Variants in CCDC88A observed in about 807,000 individuals in gnomAD.
CCDC88A encodes coiled-coil and HOOK domain protein 88A.
In CCDC88A, 54 loss-of-function variants were observed where a neutral mutation model predicts 234.3. The ratio of observed to expected loss-of-function variants is 0.23; its 90% CI spans 0.19 to 0.29. The LOEUF (loss-of-function observed/expected upper bound fraction) is 0.29. Ranked by LOEUF, CCDC88A falls within the 10% of genes least tolerant of loss-of-function variation. CCDC88A has a pLI of 1.00. For synonymous variants in CCDC88A, 753 were observed against 737.8 expected (o/e 1.02, Z -0.33); for missense variants, 1,832 against 2,123.4 (o/e 0.86, Z 2.70).
At chr2:55,353,652 A>AC (rs1670180737) in intron 8 of CCDC88A, among the ~76,000 whole-genome samples, 1 of 136,390 alleles carries the variant, frequency 7.3e-6, no homozygotes, top group African/African-American at 3.3e-5. Context: ...ACCAAACCAA[A>AC]AAAAAAAAAA....
chr2:55,297,314 A>ATAT (rs1680191221), intron 29 of CCDC88A: 3 of 103,912 alleles, frequency 2.9e-5, no homozygotes, highest in Non-Finnish European at 5.5e-5. Context: ...AATTATATAT[A>ATAT]AATATATAAT....
intron 2 of CCDC88A, among the ~76,000 whole-genome samples, chr2:55,408,908 G>A (rs1680027478): frequency 6.6e-6 from 1 of 151,980 alleles, no homozygotes; most frequent in Non-Finnish European, 1.5e-5. Flanking sequence ...TCACTTTAAT[G>A]CTCACACATT....
chr2:55,351,425 G>A (rs1243642539), intron 8 of CCDC88A, among the ~76,000 whole-genome samples: 2 of 151,870 alleles, frequency 1.3e-5, no homozygotes, highest in Non-Finnish European at 2.9e-5. Context: ...CCAGCTCACT[G>A]CAGCCTTGAC....
In CCDC88A at chr2:55,295,895, A is replaced by T; in HGVS notation, c.5253T>A (p.Pro1751=). 1 of 1,614,106 alleles carries T rather than the reference A, an allele frequency of 6.2e-7. No individual in the cohort carries two copies. The highest frequency in any genetic ancestry group is 8.5e-7 in the Non-Finnish European group (1 of 1,180,016). Residue 1751 remains proline, a synonymous_variant, in exon 31 of 33, where the codon CCT becomes CCA. Transcript: ENST00000436346. The part of the protein sequence containing the change: ...GDFYDRRTTK[P]EFLRPGPRKT... ...TTCGAGGACCAGGTCTCAAAAACTC[A>T]GGCTTAGTTGTCCGTCTATCATAGA...
chr2:55,315,187 C>T (rs1682833266), intron 22 of CCDC88A: 1 of 152,226 alleles, frequency 6.6e-6, no homozygotes, highest in African/African-American at 2.4e-5. Context: ...ACAGCTCTCC[C>T]ACGCATGGGG....
rs147772601 is a variant in CCDC88A, at chr2:55,379,833, A to T, written c.274-4950T>A. Among the ~76,000 whole-genome samples, 508 of 152,194 alleles carry T rather than the reference A, an allele frequency of 3.3e-3. 3 individuals are homozygous for T. Among genetic ancestry groups the T allele is most frequent in the African/African-American group, 0.01 (431 of 41,530 alleles). The stretch of plus-strand genomic sequence containing the variant: ...GAGGCTGAGGCAGGAGAATTGCTGG[A>T]ACTCAGGAGGCATGGGTTGCGGTGA... On this transcript the variant is annotated intron_variant, in intron 3 of 32. Coordinates refer to ENST00000436346, the MANE Select transcript of CCDC88A (RefSeq NM_001365480.1).
chr2:55,296,585 T>A, intron 29 of CCDC88A, 62 bp from the exon 30 acceptor site: 1 of 1,483,246 alleles, frequency 6.7e-7, no homozygotes, highest in South Asian at 1.3e-5. Flanking sequence ...ACTTCATGAG[T>A]AATAACATTT....
intron 22 of CCDC88A, chr2:55,313,704 C>G (rs1455819474): frequency 3.9e-5 from 6 of 152,070 alleles, no homozygotes; most frequent in Admixed American, 2.0e-4. Flanking sequence ...GCAAATAACA[C>G]ATACCCGCCC....
intron 7 of CCDC88A, among the ~76,000 whole-genome samples, chr2:55,359,635 A>T (rs1671030059): frequency 6.6e-6 from 1 of 150,548 alleles, no homozygotes; most frequent in Non-Finnish European, 1.5e-5. Flanking sequence ...TGCTATAGGA[A>T]TATATATAAA....
chr2:55,311,649 A>G (rs563146343), intron 23 of CCDC88A, among the ~76,000 whole-genome samples: 7 of 152,310 alleles, frequency 4.6e-5, no homozygotes, highest in East Asian at 1.9e-4. Context: ...TGCTATTTCT[A>G]TTTTACTGTG....
Position 55,295,762 on chromosome 2 carries a change from T to C in CCDC88A, c.5386A>G (p.Ser1796Gly). ...ESSLSRQSKDSNPYATLPRAS... is the reference protein window; with the variant it reads ...ESSLSRQSKDGNPYATLPRAS... ...CGAGGTAAAGTTGCATAAGGGTTACTATCTTTTGATTGTCGTGACAGAGAA... is the reference window on the plus strand; with the variant it reads ...CGAGGTAAAGTTGCATAAGGGTTACCATCTTTTGATTGTCGTGACAGAGAA... Residue 1796 changes from serine to glycine, a missense_variant, in exon 31 of 33, where the codon AGT becomes GGT. Ser to Gly is a moderately conservative substitution (Grantham distance 56, BLOSUM62 0). Around this residue, in one of 6 missense-constraint regions of CCDC88A, gnomAD observed 422 missense variants for 416.5 expected, o/e 1.01. Transcript: ENST00000436346. The C allele has an allele frequency of 1.2e-6, 2 of 1,614,246 alleles. No individual in the cohort carries two copies. The highest frequency in any genetic ancestry group is 1.7e-6 in the Non-Finnish European group (2 of 1,180,034).
chr2:55,374,616 A>G (rs1172793463), intron 4 of CCDC88A, among the ~76,000 whole-genome samples, 198 bp downstream of exon 4: 1 of 152,224 alleles, frequency 6.6e-6, no homozygotes, highest in Non-Finnish European at 1.5e-5. Flanking sequence ...AATTTAATGT[A>G]AAATTTATGT....
intron 2 of CCDC88A, among the ~76,000 whole-genome samples, chr2:55,409,208 C>A (rs983186529): frequency 7.2e-5 from 11 of 152,168 alleles, no homozygotes; most frequent in African/African-American, 2.4e-4. Flanking sequence ...TTCCACTTTT[C>A]TCAAACTTCC....
In CCDC88A at chr2:55,388,831, G is replaced by C. The variant is rs1574416839; in HGVS notation, c.220C>G (p.Leu74Val). ...AAAATGGATAGATTGTGCATTCTAAGTGAGGCATCATTATTGACTTTTTTA... is the reference window on the plus strand; with the variant it reads ...AAAATGGATAGATTGTGCATTCTAACTGAGGCATCATTATTGACTTTTTTA... Reference protein sequence around the residue: ...VNKKVNNDASLRMHNLSILVR... With the variant: ...VNKKVNNDASVRMHNLSILVR... The change falls in exon 3 of 33, where the codon CTT (leucine) becomes GTT (valine). Residue 74 changes from leucine to valine, a missense_variant. Physicochemically the swap from Leu to Val is conservative, Grantham distance 32 (BLOSUM62 1). Transcript: ENST00000436346. The C allele has an allele frequency of 6.5e-7, 1 of 1,543,464 alleles. No individual in the cohort carries two copies. Among genetic ancestry groups the C allele is most frequent in the Non-Finnish European group, 8.8e-7 (1 of 1,131,154 alleles).
rs1420753665 is a variant in CCDC88A at position 55,388,840 on chromosome 2, C to A, written c.211G>T (p.Asp71Tyr). ...AGATTGTGCATTCTAAGTGAGGCAT[C>A]ATTATTGACTTTTTTATTTACTCTC... ...SQRVNKKVNN[D>Y]ASLRMHNLSI... The change falls in exon 3 of 33, where the codon GAT becomes TAT. Residue 71 changes from aspartate (D) to tyrosine (Y), a missense_variant. Physicochemically the swap from Asp to Tyr is radical, Grantham distance 160. Around this residue, in one of 6 missense-constraint regions of CCDC88A, gnomAD observed 84 missense variants for 80.9 expected, o/e 1.04. Transcript: ENST00000436346. 3 of 1,540,150 alleles carry A rather than the reference C, an allele frequency of 1.9e-6. No individual in the cohort carries two copies. The highest frequency in any genetic ancestry group is 2.8e-5 in the African/African-American group (2 of 72,338).
chr2:55,370,177 G>C (rs1314001069), intron 5 of CCDC88A, among the ~76,000 whole-genome samples: 2 of 152,018 alleles, frequency 1.3e-5, no homozygotes, highest in African/African-American at 4.8e-5. Context: ...ATAAAGATGG[G>C]TCTTTAAGTT....
At chr2:55,330,404 C>T (rs1470619772) in intron 16 of CCDC88A, among the ~76,000 whole-genome samples, 2 of 151,830 alleles carry the variant, frequency 1.3e-5, no homozygotes, top group East Asian at 3.9e-4. Context: ...ACCTCGGAGG[C>T]GGAGGTTGCA....
At chr2:55,370,843 TAA>T (rs10606095) in intron 5 of CCDC88A, among the ~76,000 whole-genome samples, 7,643 of 135,284 alleles carry the variant, frequency 0.056, 635 homozygotes, top group African/African-American at 0.18. Context: ...CCCCATTTCT[TAA>T]AAAAAAAAAA....
intron 26 of CCDC88A, chr2:55,302,844 T>TA: frequency 3.0e-6 from 1 of 329,040 alleles, no homozygotes; most frequent in Non-Finnish European, 5.6e-6. Context: ...ACGAGTAAGT[T>TA]ACATGTATGA....
Sources: gnomAD v4.1 joint callset for allele counts (sites outside exome capture counted in the v4.1 genomes callset) on GRCh38, gnomAD v4.1.1 for gene constraint, gnomAD v4.1.1 regional missense constraint, MANE v1.5 for transcripts, NCBI Gene and HGNC (gene_info 2026-07-23, HGNC 2026-07-21) for gene names.